Variants in CDKL5 observed in about 807,000 individuals in gnomAD.
CDKL5 encodes the protein cyclin dependent kinase like 5.
A neutral mutation model predicts 61.7 loss-of-function variants in CDKL5; 8 were observed. The ratio of observed to expected loss-of-function variants is 0.13; its 90% CI spans 0.08 to 0.23. The LOEUF (loss-of-function observed/expected upper bound fraction) is 0.23, where lower values mean the gene tolerates loss of function less well. Among genes scored for constraint, CDKL5 ranks in the 10% least tolerant of loss-of-function variants. The pLI is 1.00. For synonymous variants in CDKL5, 275 were observed against 272.3 expected (o/e 1.01, Z -0.10); for missense variants, 440 against 734.5 (o/e 0.60, Z 4.63).
At chrX:18,479,541 G>A (rs1216058170) in intron 1 of CDKL5, among the ~76,000 whole-genome samples, 1 of 108,892 alleles carries the variant, frequency 9.2e-6, no homozygotes, top group African/African-American at 3.3e-5. Context: ...GGATGGTCTC[G>A]ATCTCTTGAC....
At chrX:18,464,867 T>C (rs1932366187) in intron 1 of CDKL5, among the ~76,000 whole-genome samples, 1 of 112,057 alleles carries the variant, frequency 8.9e-6, no homozygotes, top group Admixed American at 9.5e-5. Context: ...ATTTAAAAAA[T>C]GTCAGTGTGT....
chrX:18,528,176 A>G (rs1923512328), intron 3 of CDKL5, among the ~76,000 whole-genome samples: 1 of 108,300 alleles, frequency 9.2e-6, no homozygotes, highest in African/African-American at 3.4e-5. Flanking sequence ...AAAGTATTAT[A>G]TAAATGTCAA....
At position 18,636,721 on chromosome X, in the gene CDKL5, C is replaced by T. The variant is rs1927399291; in HGVS notation, c.*7964C>T. The T allele has an allele frequency of 9.0e-6, 1 of 111,643 alleles. No homozygotes were observed. Among genetic ancestry groups the T allele is most frequent in the Non-Finnish European group, 1.9e-5 (1 of 53,210 alleles). The allele number at this position is 111,643 out of a possible 1,213,427, so 9.2% of individuals were successfully genotyped here. Reference sequence around the variant, plus strand: ...ACTCTAGGTGCAGAAATAAAGACAACTTAGTCAAGTGAAGGAAAGGGTAAC... The same window carrying T: ...ACTCTAGGTGCAGAAATAAAGACAATTTAGTCAAGTGAAGGAAAGGGTAAC... On this transcript the variant is annotated 3_prime_UTR_variant, in exon 18 of 18. Transcript: ENST00000623535.
chrX:18,575,632 TTAA>T, intron 5 of CDKL5, 142 bp downstream of exon 5: 1 of 539,064 alleles, frequency 1.9e-6, no homozygotes, highest in Non-Finnish European at 3.1e-6. Context: ...GAAAGTGTTG[TTAA>T]TAATCATTAG....
intron 1 of CDKL5, among the ~76,000 whole-genome samples, chrX:18,449,499 C>G (rs200723387): frequency 1.3e-4 from 14 of 111,703 alleles, no homozygotes; most frequent in Admixed American, 1.2e-3. Flanking sequence ...GCCCTTCCCC[C>G]CTGCCGCCCC....
chrX:18,552,739 G>A (rs1226485012), intron 3 of CDKL5, among the ~76,000 whole-genome samples: 4 of 111,419 alleles, frequency 3.6e-5, no homozygotes, highest in Non-Finnish European at 3.8e-5. Flanking sequence ...TGGGGGATGA[G>A]AGAGGGTTGA....
intron 20 of CDKL5, among the ~76,000 whole-genome samples, chrX:18,646,971 C>T (rs1214401369): frequency 3.6e-5 from 4 of 110,605 alleles, no homozygotes; most frequent in African/African-American, 1.3e-4. Context: ...GGCTGTAGTG[C>T]AGTGGTGTGA....
At chrX:18,597,564 G>A (rs998949535) in intron 10 of CDKL5, among the ~76,000 whole-genome samples, 2 of 105,416 alleles carry the variant, frequency 1.9e-5, no homozygotes, top group African/African-American at 3.5e-5. Context: ...AAAAATTAGA[G>A]TTGAGGCTCT....
intron 3 of CDKL5, among the ~76,000 whole-genome samples, chrX:18,533,688 A>C (rs1312665699): frequency 9.0e-6 from 1 of 111,552 alleles, no homozygotes; most frequent in African/African-American, 3.3e-5. Flanking sequence ...ACTTCATGCT[A>C]TCTGGGCTGG....
intron 3 of CDKL5, among the ~76,000 whole-genome samples, chrX:18,523,587 C>T (rs1923330040): frequency 9.0e-6 from 1 of 111,687 alleles, no homozygotes; most frequent in Non-Finnish European, 1.9e-5. Flanking sequence ...AATTAGACAT[C>T]ATCTATTACC....
At chrX:18,499,546 G>A (rs764562781) in intron 1 of CDKL5, among the ~76,000 whole-genome samples, 12 of 110,121 alleles carry the variant, frequency 1.1e-4, no homozygotes, top group Non-Finnish European at 1.3e-4. Context: ...TATTTTTTCA[G>A]TAGAGACAGG....
chrX:18,428,749 A>G (rs1332747286), intron 1 of CDKL5, among the ~76,000 whole-genome samples: 2 of 109,444 alleles, frequency 1.8e-5, no homozygotes, highest in African/African-American at 6.6e-5. Flanking sequence ...TGCAACATCA[A>G]ATAATTTGGC....
chrX:18,455,268 C>T (rs1932116949), intron 1 of CDKL5, among the ~76,000 whole-genome samples: 1 of 112,213 alleles, frequency 8.9e-6, no homozygotes, highest in South Asian at 3.7e-4. Flanking sequence ...TTAAGTGACT[C>T]ATCACCTTTG....
At chrX:18,620,154 A>G (rs1429534878) in intron 16 of CDKL5, among the ~76,000 whole-genome samples, 188 bp downstream of exon 16, 1 of 112,250 alleles carries the variant, frequency 8.9e-6, no homozygotes, top group Non-Finnish European at 1.9e-5. Flanking sequence ...TCTACATTCA[A>G]CAGAATCTCC....
At chrX:18,473,944 C>T (rs189971879) in intron 1 of CDKL5, among the ~76,000 whole-genome samples, 102 of 107,243 alleles carry the variant, frequency 9.5e-4, no homozygotes, top group African/African-American at 3.4e-3. Flanking sequence ...TCACAGCTCA[C>T]TGCAACCTCT....
At chrX:18,428,517 A>T (rs1174186707) in intron 1 of CDKL5, among the ~76,000 whole-genome samples, 1 of 111,697 alleles carries the variant, frequency 9.0e-6, no homozygotes, top group Non-Finnish European at 1.9e-5. Flanking sequence ...CTGTGGGAAT[A>T]TGACTTTTTT....
intron 1 of CDKL5, among the ~76,000 whole-genome samples, chrX:18,478,781 G>A (rs1443769678): frequency 3.7e-5 from 4 of 107,015 alleles, no homozygotes; most frequent in Non-Finnish European, 7.7e-5. Flanking sequence ...TGTCATCTTG[G>A]CTCACTGCAA....
chrX:18,588,672 G>A (rs1569215770), intron 9 of CDKL5: 1 of 112,027 alleles, frequency 8.9e-6, no homozygotes, highest in East Asian at 2.8e-4. Flanking sequence ...CAGCACTTTA[G>A]GAGGCCAAGT....
chrX:18,530,867 T>A (rs964690804), intron 3 of CDKL5, among the ~76,000 whole-genome samples: 2 of 111,964 alleles, frequency 1.8e-5, no homozygotes, highest in African/African-American at 3.2e-5. Flanking sequence ...GGCTTCAGTT[T>A]CCTCTAGTGT....
Sources: gnomAD v4.1 joint callset for allele counts (sites outside exome capture counted in the v4.1 genomes callset) on GRCh38, gnomAD v4.1.1 for gene constraint, MANE v1.5 for transcripts, NCBI Gene and HGNC (gene_info 2026-07-23, HGNC 2026-07-21) for gene names.